The following FBXO11 variants were observed in gnomAD, a reference collection of about 807,000 sequenced individuals.
FBXO11 encodes the protein F-box only protein 11.
In FBXO11, 13 loss-of-function variants were observed where a neutral mutation model predicts 117.0. That is an observed-to-expected ratio of 0.11 (90% confidence interval 0.07 to 0.18). FBXO11 has a LOEUF of 0.18. Among genes scored for constraint, FBXO11 ranks in the 10% least tolerant of loss-of-function variants. FBXO11 has a pLI of 1.00. For synonymous variants in FBXO11, 490 were observed against 380.5 expected (o/e 1.29, Z -3.35); for missense variants, 767 against 1,164.4 (o/e 0.66, Z 4.97).
Position 47,858,681 on chromosome 2 carries a change from C to CAA in FBXO11, c.233-18914_233-18913dup, listed in dbSNP as rs902232765. On this transcript the variant is annotated intron_variant, in intron 1 of 22. Coordinates refer to ENST00000403359, the MANE Select transcript of FBXO11 (RefSeq NM_001190274.2). ...TGGGCAACAGAGTGAGACTCTGCCT[C>CAA]AAAAAAAAAAAAAAAAAAAGAAAAG... Among the ~76,000 whole-genome samples, 180 of 67,452 alleles carry CAA rather than the reference C, an allele frequency of 2.7e-3. 1 individual carries two copies. The highest frequency in any genetic ancestry group is 5.9e-3 in the African/African-American group (104 of 17,492). 44.3% of individuals were successfully genotyped at this position (67,452 alleles called of 152,430 possible). A position where few individuals can be genotyped will look rare whatever the true frequency, so the allele number is the denominator to read the frequency against.
intron 1 of FBXO11, among the ~76,000 whole-genome samples, chr2:47,887,706 C>T (rs1676967727): frequency 6.6e-6 from 1 of 151,722 alleles, no homozygotes; most frequent in African/African-American, 2.4e-5. Flanking sequence ...ACAAAAAATA[C>T]AAAAATTAGC....
intron 1 of FBXO11, among the ~76,000 whole-genome samples, chr2:47,843,598 A>G (rs969658183): frequency 1.3e-5 from 2 of 152,150 alleles, no homozygotes; most frequent in African/African-American, 4.8e-5. Flanking sequence ...TTTCTTCATC[A>G]CTAACAATGC....
chr2:47,839,340 C>T (rs761547080), intron 3 of FBXO11, 79 bp downstream of exon 3: 14 of 1,325,680 alleles, frequency 1.1e-5, no homozygotes, highest in Non-Finnish European at 1.4e-5. Flanking sequence ...CTCGAATACA[C>T]TTAATTTTCA....
intron 1 of FBXO11, among the ~76,000 whole-genome samples, chr2:47,901,113 G>GTGTGTACATATATATACATATATA (rs1558488366): frequency 1.2e-5 from 1 of 84,562 alleles, no homozygotes; most frequent in African/African-American, 4.9e-5. Context: ...ATGTATATAT[G>GTGTGTACATATATATACATATATA]TACACACGTG....
chr2:47,868,788 A>G (rs1261514751), intron 1 of FBXO11, among the ~76,000 whole-genome samples: 4 of 152,200 alleles, frequency 2.6e-5, no homozygotes, highest in African/African-American at 9.7e-5. Flanking sequence ...TTAGCCCCCA[A>G]TATAGTACCA....
At chr2:47,877,646 C>G (rs1676107291) in intron 1 of FBXO11, among the ~76,000 whole-genome samples, 1 of 152,108 alleles carries the variant, frequency 6.6e-6, no homozygotes, top group Non-Finnish European at 1.5e-5. Context: ...TTCTCCATCT[C>G]TCACTCAAAC....
chr2:47,858,922 C>G (rs1674531417), intron 1 of FBXO11, among the ~76,000 whole-genome samples: 1 of 150,834 alleles, frequency 6.6e-6, no homozygotes, highest in South Asian at 2.1e-4. Context: ...GCCTGTAATC[C>G]CAGCTACTCA....
At position 47,818,991 on chromosome 2, in the gene FBXO11, C is replaced by G; in HGVS notation, c.1885G>C (p.Val629Leu). ...CTGTGTATCCGGTTTCTTCTCAGTACTGGAGTGCTGCCAGTTGTCACCCAG... is the reference window on the plus strand; with the variant it reads ...CTGTGTATCCGGTTTCTTCTCAGTAGTGGAGTGCTGCCAGTTGTCACCCAG... ...GVWVTTGSTP[V>L]LRRNRIHSGK... is the part of the protein sequence containing the mutation. The change falls in exon 15 of 23, where the codon GTA becomes CTA. Residue 629 changes from valine to leucine, a missense_variant. This residue lies in a region of FBXO11 where 42 missense variants were observed against 216.8 expected (regional missense o/e 0.19). Coordinates refer to ENST00000403359, the MANE Select transcript of FBXO11 (RefSeq NM_001190274.2). 1.2e-6 allele frequency: 2 copies of G among 1,614,040 alleles called. No individual in the cohort carries two copies. The highest frequency in any genetic ancestry group is 1.7e-6 in the Non-Finnish European group (2 of 1,179,986).
chr2:47,871,757 T>C (rs919177301), intron 1 of FBXO11, among the ~76,000 whole-genome samples: 2 of 152,322 alleles, frequency 1.3e-5, no homozygotes, highest in East Asian at 3.9e-4. Context: ...AAACATCTTT[T>C]CCCATACTAT....
chr2:47,887,177 C>A (rs571483570), intron 1 of FBXO11, among the ~76,000 whole-genome samples: 2 of 150,528 alleles, frequency 1.3e-5, no homozygotes, highest in South Asian at 4.3e-4. Flanking sequence ...CCCAGCTACT[C>A]GGGAGGCTGA....
At chr2:47,889,433 A>G (rs1031136107) in intron 1 of FBXO11, among the ~76,000 whole-genome samples, 2 of 152,230 alleles carry the variant, frequency 1.3e-5, no homozygotes, top group Non-Finnish European at 2.9e-5. Context: ...GTGCTTTCTC[A>G]GGAAAACACT....
intron 1 of FBXO11, among the ~76,000 whole-genome samples, chr2:47,867,197 C>T (rs1292111859): frequency 1.3e-5 from 2 of 152,130 alleles, no homozygotes; most frequent in East Asian, 1.9e-4. Context: ...TAACAAATCC[C>T]GAAAATCTCC....
At chr2:47,832,733 C>G in intron 9 of FBXO11, 36 bp downstream of exon 9, 1 of 1,607,606 alleles carries the variant, frequency 6.2e-7, no homozygotes, top group Non-Finnish European at 8.5e-7. Flanking sequence ...TACAGTGACT[C>G]AAAATTTTAT....
intron 7 of FBXO11, among the ~76,000 whole-genome samples, chr2:47,833,829 T>G (rs942062980): frequency 6.6e-6 from 1 of 152,082 alleles, no homozygotes; most frequent in Non-Finnish European, 1.5e-5. Context: ...CACACCTGGC[T>G]AATTTTTTTT....
At chr2:47,830,973 A>AT (rs1199160832) in intron 11 of FBXO11, among the ~76,000 whole-genome samples, 1 of 151,920 alleles carries the variant, frequency 6.6e-6, no homozygotes, top group Non-Finnish European at 1.5e-5. Context: ...TAATTTTTGT[A>AT]TTTTTTGTAG....
At chr2:47,828,394 A>C (rs1279670358) in intron 11 of FBXO11, among the ~76,000 whole-genome samples, 1 of 152,092 alleles carries the variant, frequency 6.6e-6, no homozygotes, top group African/African-American at 2.4e-5. Flanking sequence ...GAGCTCTTGA[A>C]GTCAGGAGTT....
Position 47,809,273 on chromosome 2 carries a change from TAAAA to T in FBXO11, c.2447-11_2447-8del, listed in dbSNP as rs368651175. ...TTGTTCATTATTTTGTTATCTGTAA[TAAAA>T]GAAAGAATAAGTAAAAATTCAGAGG... On this transcript the variant is annotated splice_polypyrimidine_tract_variant and splice_region_variant and intron_variant, in intron 20 of 22. Transcript: ENST00000403359. 94 of 1,497,224 alleles carry T rather than the reference TAAAA, an allele frequency of 6.3e-5. No homozygotes were observed. The highest frequency in any genetic ancestry group is 2.4e-4 in the South Asian group (20 of 83,914). The allele number at this position is 1,497,224 out of a possible 1,614,324, so 92.7% of individuals were successfully genotyped here. A position where few individuals can be genotyped will look rare whatever the true frequency, so the allele number is the denominator to read the frequency against.
At chr2:47,904,519 T>G (rs529182523) in intron 1 of FBXO11, among the ~76,000 whole-genome samples, 1 of 152,004 alleles carries the variant, frequency 6.6e-6, no homozygotes, top group South Asian at 2.1e-4. Flanking sequence ...TGCTAAACAG[T>G]TGGGTCCAAA....
At chr2:47,873,637 T>C (rs773024148) in intron 1 of FBXO11, among the ~76,000 whole-genome samples, 6 of 152,248 alleles carry the variant, frequency 3.9e-5, no homozygotes, top group Non-Finnish European at 8.8e-5. Context: ...TTATTTCTTG[T>C]AGCTTCCATA....
Sources: gnomAD v4.1 joint callset for allele counts (sites outside exome capture counted in the v4.1 genomes callset) on GRCh38, gnomAD v4.1.1 for gene constraint, gnomAD v4.1.1 regional missense constraint, MANE v1.5 for transcripts, NCBI Gene and HGNC (gene_info 2026-07-23, HGNC 2026-07-21) for gene names.